NOVA2: variants seen among roughly 807,000 people sequenced by gnomAD.
NOVA2 encodes NOVA alternative splicing regulator 2.
In NOVA2, 9 loss-of-function variants were observed where a neutral mutation model predicts 22.5. The ratio of observed to expected loss-of-function variants is 0.40; its 90% CI spans 0.24 to 0.70. The LOEUF (loss-of-function observed/expected upper bound fraction) is 0.70. NOVA2 is among the 30% of genes least tolerant of loss of function. The pLI is 0.38. For missense variants in NOVA2, 383 were observed against 682.8 expected, an observed-to-expected ratio of 0.56 and a Z score of 4.89; for synonymous variants, 318 against 335.2, an observed-to-expected ratio of 0.95 and a Z score of 0.56.
Position 45,935,049 on chromosome 19 carries a change from A to C in NOVA2, c.*4814T>G, listed in dbSNP as rs1967637014. 6.8e-6 allele frequency: 1 copy of C among 147,872 alleles called. No homozygotes were observed. Among genetic ancestry groups the C allele is most frequent in the Admixed American group, 6.8e-5 (1 of 14,626 alleles). 9.2% of individuals were successfully genotyped at this position (147,872 alleles called of 1,614,324 possible). ...CGGTCGAGTGGGGCGGGCTGGAGCA[A>C]TGAGGCCGCAGGTCCCGGTGGCCGG... On this transcript the variant is annotated 3_prime_UTR_variant, in exon 4 of 4. Transcript: ENST00000263257.
Position 45,934,141 on chromosome 19 carries a change from G to A in NOVA2, c.*5722C>T, listed in dbSNP as rs1967627378. The A allele has an allele frequency of 6.6e-6, 1 of 152,244 alleles. No homozygotes were observed. The highest frequency in any genetic ancestry group is 1.5e-5 in the Non-Finnish European group (1 of 68,116). 9.4% of individuals were successfully genotyped at this position (152,244 alleles called of 1,614,324 possible). On this transcript the variant is annotated 3_prime_UTR_variant, in exon 4 of 4. Coordinates refer to ENST00000263257, the MANE Select transcript of NOVA2 (RefSeq NM_002516.4). Reference sequence around the variant, plus strand: ...TGGGCCTTTTAATCTAAGGACTGGGGAGAACCAAGGGACCTTAGAGGTCCT... The same window carrying A: ...TGGGCCTTTTAATCTAAGGACTGGGAAGAACCAAGGGACCTTAGAGGTCCT...
At chr19:45,954,927 GTGTT>G (rs1967983097) in intron 2 of NOVA2, among the ~76,000 whole-genome samples, 1 of 151,504 alleles carries the variant, frequency 6.6e-6, no homozygotes, top group Non-Finnish European at 1.5e-5. Flanking sequence ...ATCCTAATCT[GTGTT>G]TGTAGAAGAT....
chr19:45,948,401 C>T (rs1199335467), intron 3 of NOVA2, among the ~76,000 whole-genome samples: 1 of 151,970 alleles, frequency 6.6e-6, no homozygotes, highest in African/African-American at 2.4e-5. Flanking sequence ...AGATCAAGAC[C>T]ATTCTGGCTA....
In NOVA2 at chr19:45,973,609, G is replaced by A. The variant is rs1472037128; in HGVS notation, c.-258C>T. ...GGGAGGGGAGGTGGGAGGGGGAGGG[G>A]GCGGTGGAGGGATGGGGGAGGGGGA... On this transcript the variant is annotated 5_prime_UTR_variant, in exon 1 of 4. Coordinates refer to ENST00000263257, the MANE Select transcript of NOVA2 (RefSeq NM_002516.4). 1.1e-5 allele frequency: 1 copy of A among 93,038 alleles called. No homozygotes were observed. Among genetic ancestry groups the A allele is most frequent in the East Asian group, 4.2e-4 (1 of 2,398 alleles). 5.8% of individuals were successfully genotyped at this position (93,038 alleles called of 1,614,324 possible).
Position 45,935,601 on chromosome 19 carries a change from G to T in NOVA2, c.*4262C>A, listed in dbSNP as rs1967643403. ...GTACCGACAGGCGGGCACTCAGTCAGCAGCCTGGACGCCCCAACTGCCATC... is the reference window on the plus strand; with the variant it reads ...GTACCGACAGGCGGGCACTCAGTCATCAGCCTGGACGCCCCAACTGCCATC... On this transcript the variant is annotated 3_prime_UTR_variant, in exon 4 of 4. Coordinates refer to ENST00000263257, the MANE Select transcript of NOVA2 (RefSeq NM_002516.4). 1.3e-5 allele frequency: 2 copies of T among 152,266 alleles called. No individual in the cohort carries two copies. The highest frequency in any genetic ancestry group is 1.3e-4 in the Admixed American group (2 of 15,286). The allele number at this position is 152,266 out of a possible 1,614,324, so 9.4% of individuals were successfully genotyped here.
At position 45,934,410 on chromosome 19, in the gene NOVA2, G is replaced by C. The variant is rs1967630074; in HGVS notation, c.*5453C>G. 6.6e-6 allele frequency: 1 copy of C among 152,132 alleles called. No homozygotes were observed. The highest frequency in any genetic ancestry group is 6.6e-5 in the Admixed American group (1 of 15,266). The allele number at this position is 152,132 out of a possible 1,614,324, so 9.4% of individuals were successfully genotyped here. ...AGGATGAATCCATTTCACAGAAGGG[G>C]AAAACGGAGGCATCCTCCCAGACTA... On this transcript the variant is annotated 3_prime_UTR_variant, in exon 4 of 4. Transcript: ENST00000263257.
rs1441893094 is a variant in NOVA2, at chr19:45,935,664, A to T, written c.*4199T>A. 1 of 152,316 alleles carries T rather than the reference A, an allele frequency of 6.6e-6. No individual in the cohort carries two copies. Among genetic ancestry groups the T allele is most frequent in the Non-Finnish European group, 1.5e-5 (1 of 68,052 alleles). The allele number at this position is 152,316 out of a possible 1,614,324, so 9.4% of individuals were successfully genotyped here. A position where few individuals can be genotyped will look rare whatever the true frequency, so the allele number is the denominator to read the frequency against. ...CTTGTTAATACTTTTGCCACTGCAC[A>T]GTCTATCACAGCCTCTAATCCCGGT... On this transcript the variant is annotated 3_prime_UTR_variant, in exon 4 of 4. Coordinates refer to ENST00000263257, the MANE Select transcript of NOVA2 (RefSeq NM_002516.4).
At chr19:45,955,700 A>C (rs1225213971) in intron 2 of NOVA2, among the ~76,000 whole-genome samples, 6 of 152,024 alleles carry the variant, frequency 3.9e-5, no homozygotes, top group Non-Finnish European at 8.8e-5. Flanking sequence ...TCTACTAAAA[A>C]TACAAGAATT....
At chr19:45,947,302 C>T (rs528315105) in intron 3 of NOVA2, among the ~76,000 whole-genome samples, 2 of 151,918 alleles carry the variant, frequency 1.3e-5, no homozygotes, top group Non-Finnish European at 2.9e-5. Context: ...AAGGATGACA[C>T]GCCCACAGGC....
chr19:45,959,784 G>T (rs1968066849), intron 2 of NOVA2, among the ~76,000 whole-genome samples: 1 of 149,088 alleles, frequency 6.7e-6, no homozygotes, highest in East Asian at 2.0e-4. Context: ...ATAGGAGAGA[G>T]GAGAGACGGG....
At position 45,940,106 on chromosome 19, in the gene NOVA2, C is replaced by G. The variant is rs773864384; in HGVS notation, c.1236G>C (p.Ala412=). 3.1e-6 allele frequency: 5 copies of G among 1,613,398 alleles called. No individual in the cohort carries two copies. The highest frequency in any genetic ancestry group is 4.2e-6 in the Non-Finnish European group (5 of 1,179,904). ...TGGCTCCCACCAGGTTCTCAGGCAC[C>G]GCAATCTCCACCAGCTCCTTGGCAC... ...AESAKELVEI[A]VPENLVGAIL... Residue 412 remains alanine, a synonymous_variant, in exon 4 of 4, where the codon GCG becomes GCC. Transcript: ENST00000263257.
At chr19:45,958,600 T>G (rs1254031056) in intron 2 of NOVA2, among the ~76,000 whole-genome samples, 1 of 151,312 alleles carries the variant, frequency 6.6e-6, no homozygotes, top group East Asian at 1.9e-4. Context: ...TGTGTGAGCA[T>G]GACAGTGTGC....
chr19:45,965,857 T>C (rs529884182), intron 1 of NOVA2, among the ~76,000 whole-genome samples: 23 of 152,370 alleles, frequency 1.5e-4, no homozygotes, highest in African/African-American at 5.5e-4. Context: ...TTCATGGGGT[T>C]ACTGTGATTA....
At position 45,939,659 on chromosome 19, in the gene NOVA2, G is replaced by A; in HGVS notation, c.*204C>T. ...AAGGAGGGGTCAGTTCCGGGCTGGGGAGGGGGCTTCTGAGCCCCCTTCCCA... is the reference window on the plus strand; with the variant it reads ...AAGGAGGGGTCAGTTCCGGGCTGGGAAGGGGGCTTCTGAGCCCCCTTCCCA... On this transcript the variant is annotated 3_prime_UTR_variant, in exon 4 of 4. Transcript: ENST00000263257. The A allele has an allele frequency of 1.6e-6, 1 of 631,090 alleles. No homozygotes were observed. Among genetic ancestry groups the A allele is most frequent in the Non-Finnish European group, 2.7e-6 (1 of 370,288 alleles). 39.1% of individuals were successfully genotyped at this position (631,090 alleles called of 1,614,324 possible). A position where few individuals can be genotyped will look rare whatever the true frequency, so the allele number is the denominator to read the frequency against.
In NOVA2 at chr19:45,938,611, T is replaced by A. The variant is rs1157882070; in HGVS notation, c.*1252A>T. ...AACAGTAGTTTGCACTAGGTCCATCTCCCACCCCTCCCTCCAGGGCGAGTT... is the reference window on the plus strand; with the variant it reads ...AACAGTAGTTTGCACTAGGTCCATCACCCACCCCTCCCTCCAGGGCGAGTT... On this transcript the variant is annotated 3_prime_UTR_variant, in exon 4 of 4. Coordinates refer to ENST00000263257, the MANE Select transcript of NOVA2 (RefSeq NM_002516.4). The A allele has an allele frequency of 2.6e-5, 4 of 152,320 alleles. No homozygotes were observed. Among genetic ancestry groups the A allele is most frequent in the Admixed American group, 2.6e-4 (4 of 15,276 alleles). 9.4% of individuals were successfully genotyped at this position (152,320 alleles called of 1,614,324 possible). A position where few individuals can be genotyped will look rare whatever the true frequency, so the allele number is the denominator to read the frequency against.
chr19:45,953,360 A>G (rs1338139988), intron 3 of NOVA2, among the ~76,000 whole-genome samples: 2 of 152,160 alleles, frequency 1.3e-5, no homozygotes, highest in South Asian at 2.1e-4. Flanking sequence ...GGAGGGAAGG[A>G]GGATGAGAGG....
intron 3 of NOVA2, among the ~76,000 whole-genome samples, chr19:45,945,840 T>TA (rs200185954): frequency 5.8e-4 from 84 of 144,414 alleles, no homozygotes; most frequent in South Asian, 2.6e-3. Flanking sequence ...TTATTATTAT[T>TA]TTTTTTTTTT....
At chr19:45,968,627 G>A (rs1398446581) in intron 1 of NOVA2, among the ~76,000 whole-genome samples, 1 of 151,976 alleles carries the variant, frequency 6.6e-6, no homozygotes, top group African/African-American at 2.4e-5. Context: ...ACTGTTTACT[G>A]AGCACTTACC....
Position 45,936,851 on chromosome 19 carries a change from C to A in NOVA2, c.*3012G>T, listed in dbSNP as rs1029227684. ...TGAAGAGAAGGGTGCAAGGAGGCCA[C>A]TCAGAGACTCTGAGATCGGATTGGC... On this transcript the variant is annotated 3_prime_UTR_variant, in exon 4 of 4. Coordinates refer to ENST00000263257, the MANE Select transcript of NOVA2 (RefSeq NM_002516.4). The A allele has an allele frequency of 6.6e-6, 1 of 151,980 alleles. No homozygotes were observed. Among genetic ancestry groups the A allele is most frequent in the Non-Finnish European group, 1.5e-5 (1 of 67,994 alleles). The allele number at this position is 151,980 out of a possible 1,614,324, so 9.4% of individuals were successfully genotyped here.
Sources: gnomAD v4.1 joint callset for allele counts (sites outside exome capture counted in the v4.1 genomes callset) on GRCh38, gnomAD v4.1.1 for gene constraint, MANE v1.5 for transcripts, NCBI Gene and HGNC (gene_info 2026-07-23, HGNC 2026-07-21) for gene names.